CSMD1: variants seen among roughly 807,000 people sequenced by gnomAD.
The protein encoded by CSMD1 is CUB and sushi domain-containing protein 1.
Under a neutral mutation model 417.5 loss-of-function variants are expected in CSMD1, and 213 were observed. That is an observed-to-expected ratio of 0.51 (90% CI 0.46 to 0.57). CSMD1 has a LOEUF of 0.57. Among genes scored for constraint, CSMD1 ranks in the 20% least tolerant of loss-of-function variants. The pLI is 0.00. For missense variants in CSMD1, 6,923 were observed against 4,529.7 expected, an observed-to-expected ratio of 1.53 and a Z score of -15.17; for synonymous variants, 2,862 against 1,736.8, an observed-to-expected ratio of 1.65 and a Z score of -16.11.
intron 1 of CSMD1, among the ~76,000 whole-genome samples, chr8:4,726,389 A>C (rs1367066224): frequency 6.6e-6 from 1 of 152,102 alleles, no homozygotes; most frequent in Non-Finnish European, 1.5e-5. Context: ...TAATGACTAA[A>C]AATAGAGCAC....
chr8:4,568,530 T>C lies in CSMD1; in HGVS notation c.302+68812A>G, dbSNP rs183520238. Among the ~76,000 whole-genome samples, 257 of 152,320 alleles carry C rather than the reference T, an allele frequency of 1.7e-3. 1 individual carries two copies. The highest frequency in any genetic ancestry group is 5.9e-3 in the African/African-American group (246 of 41,580). On this transcript the variant is annotated intron_variant, in intron 2 of 69. Transcript: ENST00000635120. ...TTATCCAGTCTATCATTGATGGGCA[T>C]TTGGGTTGATTCCAAGGTTTTTCTA...
chr8:4,676,981 A>G (rs1447300993), intron 1 of CSMD1, among the ~76,000 whole-genome samples: 2 of 146,296 alleles, frequency 1.4e-5, no homozygotes, highest in Non-Finnish European at 1.5e-5. Context: ...TATATATTAT[A>G]TATTTTATAT....
chr8:3,544,191 T>A (rs557886550), intron 10 of CSMD1, among the ~76,000 whole-genome samples: 1 of 152,216 alleles, frequency 6.6e-6, no homozygotes, highest in East Asian at 1.9e-4. Context: ...AGGTTCATGG[T>A]TAAGGGAAGA....
chr8:4,941,603 T>C (rs1021021182), intron 1 of CSMD1, among the ~76,000 whole-genome samples: 3 of 75,594 alleles, frequency 4.0e-5, no homozygotes, highest in African/African-American at 1.1e-4. Flanking sequence ...TAATTTTTAA[T>C]TTTTATTTTT....
chr8:4,738,849 T>C (rs574869534), intron 1 of CSMD1, among the ~76,000 whole-genome samples: 30 of 152,058 alleles, frequency 2.0e-4, no homozygotes, highest in African/African-American at 7.0e-4. Context: ...AATACACAGG[T>C]TGCTTATTTA....
intron 5 of CSMD1, among the ~76,000 whole-genome samples, chr8:3,940,509 G>C (rs1023345022): frequency 3.7e-5 from 5 of 134,170 alleles, no homozygotes; most frequent in Admixed American, 2.2e-4. Flanking sequence ...GTGTGTGTGT[G>C]TGTGTGTGTG....
intron 42 of CSMD1, among the ~76,000 whole-genome samples, chr8:3,110,585 A>T: frequency 6.6e-6 from 1 of 152,192 alleles, no homozygotes; most frequent in East Asian, 1.9e-4. Context: ...TCCCTTTAGG[A>T]TAAATTTATT....
intron 11 of CSMD1, among the ~76,000 whole-genome samples, chr8:3,479,094 T>C (rs1817590221): frequency 2.0e-5 from 3 of 151,980 alleles, no homozygotes; most frequent in Non-Finnish European, 1.5e-5. Context: ...GGAGACTCCT[T>C]GGGCACTAAA....
intron 3 of CSMD1, among the ~76,000 whole-genome samples, chr8:4,325,419 A>G (rs139057781): frequency 0.013 from 2,035 of 152,252 alleles, 21 homozygotes; most frequent in Non-Finnish European, 0.021. Context: ...AAGGAACTCT[A>G]CAGAAGCCAG....
At chr8:4,215,992 T>C (rs536374949) in intron 3 of CSMD1, among the ~76,000 whole-genome samples, 22 of 152,310 alleles carry the variant, frequency 1.4e-4, no homozygotes, top group African/African-American at 4.6e-4. Context: ...CAGAGAGTGG[T>C]GCCCATTTCA....
At chr8:4,197,423 A>G (rs77669019) in intron 3 of CSMD1, among the ~76,000 whole-genome samples, 2,035 of 152,336 alleles carry the variant, frequency 0.013, 19 homozygotes, top group Middle Eastern at 0.027. Flanking sequence ...TAGAATGAGT[A>G]AAGCAGATTT....
intron 5 of CSMD1, among the ~76,000 whole-genome samples, chr8:3,857,432 T>A (rs1804387943): frequency 6.6e-6 from 1 of 152,126 alleles, no homozygotes; most frequent in Non-Finnish European, 1.5e-5. Context: ...TGATGGTAAA[T>A]CCAAGCCAGA....
intron 3 of CSMD1, among the ~76,000 whole-genome samples, chr8:4,344,936 C>G (rs977271471): frequency 9.9e-5 from 15 of 152,138 alleles, no homozygotes; most frequent in Admixed American, 5.2e-4. Context: ...GTCAGCTGGT[C>G]TCTGTTCCAA....
chr8:4,270,624 A>C (rs138541904), intron 3 of CSMD1, among the ~76,000 whole-genome samples: 3 of 152,154 alleles, frequency 2.0e-5, no homozygotes, highest in Non-Finnish European at 2.9e-5. Flanking sequence ...ACTCTGATAG[A>C]ATTAAACCTG....
In CSMD1 at chr8:4,352,081, C is replaced by T. The variant is rs556409403; in HGVS notation, c.415+67872G>A. Among the ~76,000 whole-genome samples the T allele has an allele frequency of 3.3e-3, 500 of 152,084 alleles. 4 individuals carry two copies. The highest frequency in any genetic ancestry group is 0.011 in the African/African-American group (467 of 41,476). On this transcript the variant is annotated intron_variant, in intron 3 of 69. Transcript: ENST00000635120. ...CAATTATTCAGTGTTAGCCACTCTC[C>T]TTCTACTGCTGGAATACTTTGTAAA...
At chr8:4,914,469 TC>T (rs1165410353) in intron 1 of CSMD1, among the ~76,000 whole-genome samples, 2 of 151,346 alleles carry the variant, frequency 1.3e-5, no homozygotes, top group Non-Finnish European at 2.9e-5. Flanking sequence ...TCCCAGCTAC[TC>T]GGGAGGCTGA....
chr8:4,512,970 G>GT (rs1802907887), intron 2 of CSMD1, among the ~76,000 whole-genome samples: 1 of 152,276 alleles, frequency 6.6e-6, no homozygotes, highest in Non-Finnish European at 1.5e-5. Context: ...GGGAAACAGT[G>GT]AACAGGTCAG....
At chr8:3,849,783 A>T (rs921113995) in intron 5 of CSMD1, among the ~76,000 whole-genome samples, 4 of 151,940 alleles carry the variant, frequency 2.6e-5, no homozygotes, top group Admixed American at 6.6e-5. Context: ...ATGTTTTTAA[A>T]GATGATATTG....
At chr8:4,095,628 G>A (rs373080194) in intron 3 of CSMD1, among the ~76,000 whole-genome samples, 7 of 152,310 alleles carry the variant, frequency 4.6e-5, no homozygotes, top group African/African-American at 7.2e-5. Flanking sequence ...AGCTGCGTGT[G>A]TTATAGAAGA....
Sources: allele counts gnomAD v4.1 joint callset (sites outside exome capture counted in the v4.1 genomes callset), GRCh38; gene constraint gnomAD v4.1.1; transcripts MANE v1.5; gene names NCBI Gene and HGNC (gene_info 2026-07-23, HGNC 2026-07-21).